The following KIF1A variants were observed in gnomAD, a reference collection of about 807,000 sequenced individuals.
KIF1A encodes kinesin family member 1A, also known as kinesin-like protein KIF1A.
Under a neutral mutation model 227.3 loss-of-function variants are expected in KIF1A, and 46 were observed. The ratio of observed to expected loss-of-function variants is 0.20; its 90% CI spans 0.16 to 0.26. The LOEUF (loss-of-function observed/expected upper bound fraction) is 0.26. Among genes scored for constraint, KIF1A ranks in the 10% least tolerant of loss-of-function variants. The probability of loss-of-function intolerance (pLI) is 1.00; values close to 1 mark genes in which losing one functional copy is unlikely to be tolerated. For missense variants in KIF1A, 1,683 were observed against 2,485.9 expected (o/e 0.68, Z 6.87); for synonymous variants, 1,022 against 1,012.8 (o/e 1.01, Z -0.17).
At chr2:240,781,088 T>C (rs1224060419) in intron 10 of KIF1A, among the ~76,000 whole-genome samples, 2 of 8 alleles carry the variant, frequency 0.25, 1 homozygote, top group Non-Finnish European at 0.25. Flanking sequence ...CACACAGCTC[T>C]ACACACACAC....
Position 240,745,426 on chromosome 2 carries a change from C to T in KIF1A, c.3465+1G>A, listed in dbSNP as rs113158271. ...ATGGGGAGAAGTGCCCAGGAACGTACGTTCTGGACGTGGTAGAAGCCAAGT... is the reference window on the plus strand; with the variant it reads ...ATGGGGAGAAGTGCCCAGGAACGTATGTTCTGGACGTGGTAGAAGCCAAGT... On this transcript the variant is annotated splice_donor_variant, in intron 32 of 48. Coordinates refer to ENST00000498729, the MANE Select transcript of KIF1A (RefSeq NM_001244008.2). LOFTEE classifies it high-confidence loss of function. The T allele has an allele frequency of 6.2e-7, 1 of 1,610,078 alleles. No individual in the cohort carries two copies. Among genetic ancestry groups the T allele is most frequent in the Admixed American group, 1.7e-5 (1 of 60,010 alleles).
chr2:240,741,603 C>A (rs78906145), intron 34 of KIF1A, among the ~76,000 whole-genome samples: 1 of 152,202 alleles, frequency 6.6e-6, no homozygotes, highest in African/African-American at 2.4e-5. Flanking sequence ...GTTCTCTGTG[C>A]CCCGGCTAGG....
At chr2:240,818,350 C>G (rs957447908) in intron 1 of KIF1A, among the ~76,000 whole-genome samples, 1 of 152,198 alleles carries the variant, frequency 6.6e-6, no homozygotes, top group Admixed American at 6.5e-5. Flanking sequence ...GCCCCTCAGC[C>G]AGCGGCCTTA....
At chr2:240,773,473 C>T (rs988403811) in intron 12 of KIF1A, among the ~76,000 whole-genome samples, 1 of 152,186 alleles carries the variant, frequency 6.6e-6, no homozygotes, top group Non-Finnish European at 1.5e-5. Flanking sequence ...AGAAGACTTA[C>T]AAGGGAGGTC....
intron 20 of KIF1A, 98 bp from the exon 21 acceptor site, chr2:240,763,444 A>C: frequency 5.2e-6 from 6 of 1,159,444 alleles, no homozygotes; most frequent in South Asian, 1.5e-5. Context: ...GAACGGGTGC[A>C]GGCACCCCAC....
intron 16 of KIF1A, 95 bp from the exon 17 acceptor site, chr2:240,769,303 C>G: frequency 8.8e-7 from 1 of 1,130,756 alleles, no homozygotes; most frequent in Non-Finnish European, 1.3e-6. Flanking sequence ...GGCCTGTGGC[C>G]ACCGTGGCCT....
Position 240,725,224 on chromosome 2 carries a change from C to A in KIF1A, c.4256+47G>T. 1 of 1,559,950 alleles carries A rather than the reference C, an allele frequency of 6.4e-7. No homozygotes were observed. Among genetic ancestry groups the A allele is most frequent in the Non-Finnish European group, 8.7e-7 (1 of 1,152,888 alleles). The stretch of plus-strand genomic sequence containing the variant: ...AGGCAGAGCCCTGCCTGGCCCGCAC[C>A]GAGACCAGGGTGGGAGTCCATGTGG... On this transcript the variant is annotated intron_variant, in intron 40 of 48. Transcript: ENST00000498729. The surrounding 1 kb of genome is among the most constrained non-coding windows in gnomAD (Gnocchi z 5.8).
Position 240,757,498 on chromosome 2 carries a change from G to A in KIF1A, c.2679C>T (p.Pro893=), listed in dbSNP as rs779260684. ...ALTPSPTFSS[P]DSDATEPAEE... is the part of the protein sequence containing the mutation. Reference sequence around the variant, plus strand: ...CGGCAGGCTCGGTGGCGTCGGAGTCGGGGCTCGAGAAGGTGGGGGAGGGGG... The same window carrying A: ...CGGCAGGCTCGGTGGCGTCGGAGTCAGGGCTCGAGAAGGTGGGGGAGGGGG... The change falls in exon 27 of 49, where the codon CCC becomes CCT. Residue 893 remains proline, a synonymous_variant. Coordinates refer to ENST00000498729, the MANE Select transcript of KIF1A (RefSeq NM_001244008.2). The surrounding 1 kb of genome is among the most constrained non-coding windows in gnomAD (Gnocchi z 6.2). The A allele has an allele frequency of 2.7e-5, 42 of 1,550,310 alleles. No homozygotes were observed. The highest frequency in any genetic ancestry group is 3.3e-4 in the Middle Eastern group (2 of 6,014).
intron 1 of KIF1A, among the ~76,000 whole-genome samples, chr2:240,798,834 A>G (rs2056689675): frequency 6.6e-6 from 1 of 152,176 alleles, no homozygotes; most frequent in African/African-American, 2.4e-5. Flanking sequence ...ATGAAACAGA[A>G]TTCATGCAGC....
intron 1 of KIF1A, among the ~76,000 whole-genome samples, chr2:240,807,070 T>A (rs1370471681): frequency 2.4e-5 from 3 of 127,152 alleles, no homozygotes; most frequent in African/African-American, 9.8e-5. Flanking sequence ...CTACACATCC[T>A]CATATATATG....
intron 15 of KIF1A, among the ~76,000 whole-genome samples, chr2:240,770,023 C>T (rs1175393409): frequency 6.6e-6 from 1 of 152,162 alleles, no homozygotes; most frequent in Non-Finnish European, 1.5e-5. Context: ...GGTGCTCAGC[C>T]CTCTTCAGGA....
rs943439117 is a variant in KIF1A, at chr2:240,757,371, C to T, written c.2806G>A (p.Asp936Asn). 1.5e-5 allele frequency: 24 copies of T among 1,550,556 alleles called. No homozygotes were observed. The highest frequency in any genetic ancestry group is 3.9e-5 in the Admixed American group (2 of 50,984). ...CGGTCGTAAAACGGGTCCCGGCCGT[C>T]GCACAGCGCGTGCTCCGGAAAGACG... The part of the protein sequence containing the change: ...DDVFPEHALC[D>N]GRDPFYDRPP... The change falls in exon 27 of 49, where the codon GAC becomes AAC. Residue 936 changes from aspartate (D) to asparagine (N), a missense_variant. Transcript: ENST00000498729. This position sits in a 1 kb window ranked among gnomAD's most constrained non-coding sequence, Gnocchi z 6.2.
chr2:240,735,649 A>G (rs1033857746), intron 38 of KIF1A, among the ~76,000 whole-genome samples: 1 of 151,514 alleles, frequency 6.6e-6, no homozygotes, highest in African/African-American at 2.4e-5. Context: ...CTGGTCCCCC[A>G]TGGCCCAGGC....
chr2:240,745,819 C>T lies in KIF1A; in HGVS notation c.3293G>A (p.Gly1098Asp), dbSNP rs751397404. ...TGTCACACGGAAGGTGAAGGTGTTGCCCAGGCGGAGGTGGTCCAGGGCAGC... is the reference window on the plus strand; with the variant it reads ...TGTCACACGGAAGGTGAAGGTGTTGTCCAGGCGGAGGTGGTCCAGGGCAGC... The part of the protein sequence containing the change: ...LDAALDHLRL[G>D]NTFTFRVTVL... Residue 1098 changes from glycine to aspartate, a missense_variant, in exon 31 of 49, where the codon GGC becomes GAC. Transcript: ENST00000498729. 5 of 1,612,722 alleles carry T rather than the reference C, an allele frequency of 3.1e-6. No individual in the cohort carries two copies. The highest frequency in any genetic ancestry group is 3.3e-5 in the Admixed American group (2 of 59,874).
At chr2:240,764,594 C>T (rs2050922200) in intron 20 of KIF1A, among the ~76,000 whole-genome samples, 1 of 152,132 alleles carries the variant, frequency 6.6e-6, no homozygotes, top group Non-Finnish European at 1.5e-5. Context: ...CCCTCCTCAC[C>T]CCCTCTGCTT....
Position 240,792,478 on chromosome 2 carries a change from A to G in KIF1A, c.107-3166T>C, listed in dbSNP as rs1434158338. On this transcript the variant is annotated intron_variant, in intron 2 of 48. Transcript: ENST00000498729. This position sits in a 1 kb window ranked among gnomAD's most constrained non-coding sequence, Gnocchi z 4.5. The stretch of plus-strand genomic sequence containing the variant: ...TCAGGCAGCCTTCCCAGGACTCTGC[A>G]TGGGCCTGCAAAGGACTGGACACCG... Among the ~76,000 whole-genome samples the G allele has an allele frequency of 6.6e-6, 1 of 151,538 alleles. No homozygotes were observed. Among genetic ancestry groups the G allele is most frequent in the African/African-American group, 2.4e-5 (1 of 41,270 alleles).
At chr2:240,782,882 C>G (rs1286971157) in intron 9 of KIF1A, 162 bp downstream of exon 9, 31 of 704,360 alleles carry the variant, frequency 4.4e-5, no homozygotes, top group Non-Finnish European at 2.3e-5. Flanking sequence ...ACCAGGGCCC[C>G]TACCCCTTCT....
rs978314113 is a variant in KIF1A, at chr2:240,792,440, G to A, written c.107-3128C>T. On this transcript the variant is annotated intron_variant, in intron 2 of 48. Transcript: ENST00000498729. This position sits in a 1 kb window ranked among gnomAD's most constrained non-coding sequence, Gnocchi z 4.5. Reference sequence around the variant, plus strand: ...AGAGCTGGGCCCCTCCAAGGCCGGCGAGGTGCCCAGTATCAGGCAGCCTTC... The same window carrying A: ...AGAGCTGGGCCCCTCCAAGGCCGGCAAGGTGCCCAGTATCAGGCAGCCTTC... Among the ~76,000 whole-genome samples the A allele has an allele frequency of 3.3e-5, 5 of 151,838 alleles. No individual in the cohort carries two copies. Among genetic ancestry groups the A allele is most frequent in the African/African-American group, 7.3e-5 (3 of 41,350 alleles).
intron 12 of KIF1A, 88 bp from the exon 13 acceptor site, chr2:240,773,344 C>T: frequency 4.5e-6 from 7 of 1,539,200 alleles, no homozygotes; most frequent in East Asian, 2.3e-5. Flanking sequence ...GCCCAAGACC[C>T]AGCCTTTTGG....
Sources: allele counts gnomAD v4.1 joint callset (sites outside exome capture counted in the v4.1 genomes callset), GRCh38; gene constraint gnomAD v4.1.1; non-coding constraint Gnocchi (gnomAD v3.1); transcripts MANE v1.5; gene names NCBI Gene and HGNC (gene_info 2026-07-23, HGNC 2026-07-21).